DYRK1A: variants seen among roughly 807,000 people sequenced by gnomAD.
DYRK1A encodes dual specificity tyrosine-phosphorylation-regulated kinase 1A.
Under a neutral mutation model 79.7 loss-of-function variants are expected in DYRK1A, and 9 were observed. That is an observed-to-expected ratio of 0.11 (90% CI 0.07 to 0.20). The LOEUF (loss-of-function observed/expected upper bound fraction) is 0.20, where lower values mean the gene tolerates loss of function less well. Ranked by LOEUF, DYRK1A falls within the 10% of genes least tolerant of loss-of-function variation. The probability of loss-of-function intolerance (pLI) is 1.00; values close to 1 mark genes in which losing one functional copy is unlikely to be tolerated. For synonymous variants in DYRK1A, 349 were observed against 329.7 expected, an observed-to-expected ratio of 1.06 and a Z score of -0.63; for missense variants, 622 against 956.0, an observed-to-expected ratio of 0.65 and a Z score of 4.61.
chr21:37,503,677 C>T (rs774375951), intron 9 of DYRK1A: 2 of 152,220 alleles, frequency 1.3e-5, no homozygotes, highest in Non-Finnish European at 2.9e-5. Context: ...CCCACCTCAA[C>T]CTGGGTGTAG....
At chr21:37,436,913 C>A (rs561818739) in intron 2 of DYRK1A, among the ~76,000 whole-genome samples, 6 of 152,046 alleles carry the variant, frequency 3.9e-5, no homozygotes, top group African/African-American at 1.5e-4. Context: ...ATGGAGTATC[C>A]ATGCTGTAAG....
Position 37,514,579 on chromosome 21 carries a change from T to G in DYRK1A, c.*2048T>G, listed in dbSNP as rs1232939164. 1 of 152,626 alleles carries G rather than the reference T, an allele frequency of 6.6e-6. No individual in the cohort carries two copies. The highest frequency in any genetic ancestry group is 1.5e-5 in the Non-Finnish European group (1 of 68,018). 9.5% of individuals were successfully genotyped at this position (152,626 alleles called of 1,614,324 possible). ...ATGTAAACAGTGAGAAAAGAAAGGC[T>G]AAACACTATGTAAATGTGAATGGAA... On this transcript the variant is annotated 3_prime_UTR_variant, in exon 12 of 12. Coordinates refer to ENST00000647188, the MANE Select transcript of DYRK1A (RefSeq NM_001347721.2).
intron 2 of DYRK1A, among the ~76,000 whole-genome samples, chr21:37,466,102 G>C (rs1009825050): frequency 6.6e-6 from 1 of 152,122 alleles, no homozygotes; most frequent in African/African-American, 2.4e-5. Flanking sequence ...GTAATCAAGG[G>C]AACTACCTGT....
At chr21:37,482,913 G>T (rs1294755323) in intron 5 of DYRK1A, among the ~76,000 whole-genome samples, 1 of 152,198 alleles carries the variant, frequency 6.6e-6, no homozygotes, top group Non-Finnish European at 1.5e-5. Context: ...CGGGTCAGTG[G>T]TCAGAATTTA....
At chr21:37,413,126 T>C (rs1410689161) in intron 1 of DYRK1A, among the ~76,000 whole-genome samples, 1 of 152,198 alleles carries the variant, frequency 6.6e-6, no homozygotes, top group Non-Finnish European at 1.5e-5. Context: ...CATTTCTCTG[T>C]AAACTCCACA....
intron 1 of DYRK1A, among the ~76,000 whole-genome samples, chr21:37,371,108 C>T (rs2049420145): frequency 6.6e-6 from 1 of 152,136 alleles, no homozygotes; most frequent in South Asian, 2.1e-4. Flanking sequence ...TATTAAATTA[C>T]CTAAAATTTC....
At chr21:37,448,396 G>A (rs2051338514) in intron 2 of DYRK1A, among the ~76,000 whole-genome samples, 1 of 152,254 alleles carries the variant, frequency 6.6e-6, no homozygotes, top group African/African-American at 2.4e-5. Context: ...TCAGAACAAT[G>A]CTGGTGCCTG....
intron 1 of DYRK1A, among the ~76,000 whole-genome samples, chr21:37,382,163 A>G (rs917165150): frequency 8.6e-5 from 13 of 151,920 alleles, no homozygotes; most frequent in African/African-American, 3.1e-4. Flanking sequence ...ATAATAGTGA[A>G]TCAGATGGAT....
At chr21:37,439,995 A>C (rs2051044367) in intron 2 of DYRK1A, among the ~76,000 whole-genome samples, 1 of 151,766 alleles carries the variant, frequency 6.6e-6, no homozygotes, top group South Asian at 2.1e-4. Context: ...AAATAGTTAC[A>C]ATTTTGTTTA....
chr21:37,400,754 C>T (rs138485825), intron 1 of DYRK1A, among the ~76,000 whole-genome samples: 2 of 152,282 alleles, frequency 1.3e-5, no homozygotes, highest in East Asian at 1.9e-4. Flanking sequence ...ATTTTAGCAT[C>T]TAGGAATTTT....
chr21:37,410,165 A>G (rs1721587593), intron 1 of DYRK1A, among the ~76,000 whole-genome samples: 2 of 152,236 alleles, frequency 1.3e-5, no homozygotes, highest in Admixed American at 1.3e-4. Flanking sequence ...AGAAAGCATG[A>G]TATTTGAGCA....
intron 1 of DYRK1A, among the ~76,000 whole-genome samples, chr21:37,379,915 A>C (rs946512604): frequency 3.9e-5 from 6 of 152,238 alleles, no homozygotes; most frequent in Non-Finnish European, 8.8e-5. Flanking sequence ...ATCAGTGCTG[A>C]AACAAAGGCC....
At chr21:37,402,728 T>C (rs2050075679) in intron 1 of DYRK1A, among the ~76,000 whole-genome samples, 1 of 151,978 alleles carries the variant, frequency 6.6e-6, no homozygotes, top group Non-Finnish European at 1.5e-5. Context: ...TTTTTCTCTC[T>C]CTTCTTTAGA....
At chr21:37,389,969 G>A (rs1341526573) in intron 1 of DYRK1A, among the ~76,000 whole-genome samples, 3 of 151,166 alleles carry the variant, frequency 2.0e-5, no homozygotes, top group Non-Finnish European at 4.4e-5. Context: ...ACTTGCCTGG[G>A]ATGGAATGCA....
At chr21:37,447,442 C>G (rs2051310468) in intron 2 of DYRK1A, among the ~76,000 whole-genome samples, 1 of 151,876 alleles carries the variant, frequency 6.6e-6, no homozygotes, top group South Asian at 2.1e-4. Flanking sequence ...GCCTTTAAGA[C>G]CTAAAGTCTG....
intron 2 of DYRK1A, among the ~76,000 whole-genome samples, chr21:37,450,936 G>A (rs1365418567): frequency 6.6e-6 from 1 of 152,078 alleles, no homozygotes; most frequent in Non-Finnish European, 1.5e-5. Context: ...CTGCATATAC[G>A]ACAGTATTCC....
At chr21:37,511,209 A>G (rs193124841) in intron 11 of DYRK1A, among the ~76,000 whole-genome samples, 6 of 152,296 alleles carry the variant, frequency 3.9e-5, no homozygotes, top group Admixed American at 6.5e-5. Context: ...TGGCCAGATG[A>G]TGCAGATCGT....
intron 2 of DYRK1A, among the ~76,000 whole-genome samples, chr21:37,449,606 CAG>C (rs546293125): frequency 2.6e-5 from 4 of 152,176 alleles, no homozygotes; most frequent in East Asian, 1.9e-4. Flanking sequence ...CTAGTTGACT[CAG>C]GGAAAAAAAT....
At chr21:37,366,317 G>A (rs1326567049), upstream of DYRK1A, 1 of 144,970 alleles carries the variant, frequency 6.9e-6, no homozygotes, top group Non-Finnish European at 1.5e-5. Context: ...GCGGGGCTGC[G>A]GGCGCCGACG....
Sources: allele counts gnomAD v4.1 joint callset (sites outside exome capture counted in the v4.1 genomes callset), GRCh38; gene constraint gnomAD v4.1.1; transcripts MANE v1.5; gene names NCBI Gene and HGNC (gene_info 2026-07-23, HGNC 2026-07-21).